VPS13D: variants seen among roughly 807,000 people sequenced by gnomAD.
VPS13D encodes vacuolar protein sorting 13 homolog D.
Under a neutral mutation model 461.9 loss-of-function variants are expected in VPS13D, and 187 were observed. The observed-to-expected ratio is 0.40, with a 90% CI of 0.36 to 0.46. VPS13D has a LOEUF of 0.46. Ranked by LOEUF, VPS13D falls within the 20% of genes least tolerant of loss-of-function variation. VPS13D has a pLI of 0.60. For missense variants in VPS13D, 4,711 were observed against 5,364.9 expected, an observed-to-expected ratio of 0.88 and a Z score of 3.81; for synonymous variants, 1,951 against 1,986.3, an observed-to-expected ratio of 0.98 and a Z score of 0.47.
chr1:12,432,711 C>G (rs1316295572), intron 65 of VPS13D, among the ~76,000 whole-genome samples: 2 of 151,944 alleles, frequency 1.3e-5, no homozygotes, highest in African/African-American at 4.8e-5. Flanking sequence ...TCCTCCCAAC[C>G]CGGCCTCCTG....
chr1:12,403,916 C>T lies in VPS13D; in HGVS notation c.11973C>T (p.Ser3991=), dbSNP rs1286108023. Residue 3991 remains serine, a synonymous_variant, in exon 63 of 70, where the codon AGC becomes AGT. Transcript: ENST00000620676. ...ACTACTTTGAAAATCTCAAAATCAG[C>T]ATTCCTCAGATCAAGCTAAGTGTGT... is the stretch of plus-strand genomic sequence containing the variant. ...IRYYFENLKI[S]IPQIKLSVFT... 1.2e-6 allele frequency: 2 copies of T among 1,613,620 alleles called. No individual in the cohort carries two copies. The highest frequency in any genetic ancestry group is 1.7e-6 in the Non-Finnish European group (2 of 1,179,880).
Position 12,378,617 on chromosome 1 carries a change from C to T in VPS13D, c.11081+26C>T, listed in dbSNP as rs373637470. The stretch of plus-strand genomic sequence containing the variant: ...GTAATTTTCTAGGCAACTTTTGATT[C>T]AAGCTCATTGCTTTCAAATTCAGAC... On this transcript the variant is annotated intron_variant, in intron 56 of 69. Transcript: ENST00000620676. 9.9e-6 allele frequency: 15 copies of T among 1,518,350 alleles called. No homozygotes were observed. The African/African-American group carries it at 2.0e-4, about 20-fold the overall frequency. The allele number at this position is 1,518,350 out of a possible 1,614,324, so 94.1% of individuals were successfully genotyped here. A position where few individuals can be genotyped will look rare whatever the true frequency, so the allele number is the denominator to read the frequency against.
Position 12,473,071 on chromosome 1 carries a change from T to A in VPS13D, c.12662+12675T>A, listed in dbSNP as rs189784429. On this transcript the variant is annotated intron_variant, in intron 67 of 69. Coordinates refer to ENST00000620676, the MANE Select transcript of VPS13D (RefSeq NM_015378.4). This position sits in a 1 kb window ranked among gnomAD's most constrained non-coding sequence, Gnocchi z 4.2. ...AAAGAAATAGCACACCCTACGGTAG[T>A]GACATGGCCCTGTCACCACCCCTCA... Among the ~76,000 whole-genome samples, 1 of 152,302 alleles carries A rather than the reference T, an allele frequency of 6.6e-6. No homozygotes were observed. The highest frequency in any genetic ancestry group is 6.5e-5 in the Admixed American group (1 of 15,296).
At position 12,260,990 on chromosome 1, in the gene VPS13D, G is replaced by A. The variant is rs756652458; in HGVS notation, c.1255G>A (p.Gly419Arg). The A allele has an allele frequency of 6.2e-7, 1 of 1,613,870 alleles. No homozygotes were observed. The highest frequency in any genetic ancestry group is 1.7e-5 in the Admixed American group (1 of 60,032). Reference protein sequence around the residue: ...PQFDSPGACPGAPEPGGGSGM... With the variant: ...PQFDSPGACPRAPEPGGGSGM... ...GTTTGATTCTCCAGGAGCCTGTCCG[G>A]GAGCCCCAGAACCCGGTGGAGGCAG... is the stretch of plus-strand genomic sequence containing the variant. Residue 419 changes from glycine (G) to arginine (R), a missense_variant, in exon 12 of 70, where the codon GGA becomes AGA. Gly to Arg is a moderately radical substitution (Grantham distance 125, BLOSUM62 -2). Transcript: ENST00000620676.
chr1:12,271,583 C>T (rs1047435324), intron 17 of VPS13D, among the ~76,000 whole-genome samples: 1 of 151,934 alleles, frequency 6.6e-6, no homozygotes, highest in African/African-American at 2.4e-5. Context: ...GCAGGAGAAT[C>T]ACTTGAACCT....
intron 7 of VPS13D, among the ~76,000 whole-genome samples, chr1:12,256,017 C>T (rs937342062): frequency 1.3e-5 from 2 of 151,770 alleles, no homozygotes; most frequent in Non-Finnish European, 2.9e-5. Flanking sequence ...AGATAACATA[C>T]CAACATGTAA....
chr1:12,355,495 C>A (rs1643877357), intron 47 of VPS13D, among the ~76,000 whole-genome samples: 1 of 152,154 alleles, frequency 6.6e-6, no homozygotes, highest in African/African-American at 2.4e-5. Flanking sequence ...CTAATTTGAT[C>A]ATTTCACAAT....
chr1:12,396,974 C>T (rs970175269), intron 60 of VPS13D, among the ~76,000 whole-genome samples: 2 of 152,156 alleles, frequency 1.3e-5, no homozygotes, highest in African/African-American at 4.8e-5. Flanking sequence ...CACTCTGTCG[C>T]CCAGGCTGGA....
rs78818133 is a variant in VPS13D at position 12,505,422 on chromosome 1, T to C, written c.12795-1431T>C. On this transcript the variant is annotated intron_variant, in intron 68 of 69. Transcript: ENST00000620676. This position sits in a 1 kb window ranked among gnomAD's most constrained non-coding sequence, Gnocchi z 4.2. ...CTTTCTAATTTCAGCATTGAGACTT[T>C]ACAAGTCCACATTCTTGGCATTGCC... Among the ~76,000 whole-genome samples the C allele has an allele frequency of 6.3e-3, 962 of 152,364 alleles. 10 individuals carry two copies. The highest frequency in any genetic ancestry group is 0.022 in the African/African-American group (917 of 41,586).
chr1:12,416,584 C>G, intron 64 of VPS13D, 76 bp from the exon 65 acceptor site: 1 of 1,469,226 alleles, frequency 6.8e-7, no homozygotes, highest in Non-Finnish European at 9.2e-7. Context: ...TTTCTAAGCT[C>G]TTCGCTTGGG....
chr1:12,395,790 C>T lies in VPS13D; in HGVS notation c.11635-4391C>T, dbSNP rs561955066. On this transcript the variant is annotated intron_variant, in intron 60 of 69. Transcript: ENST00000620676. Reference sequence around the variant, plus strand: ...TTTGCATAATTCTCCAAACGGTTCACGCCAAGGACTATCAGCATTCTCCAT... The same window carrying T: ...TTTGCATAATTCTCCAAACGGTTCATGCCAAGGACTATCAGCATTCTCCAT... Among the ~76,000 whole-genome samples, 31 of 151,682 alleles carry T rather than the reference C, an allele frequency of 2.0e-4. No individual in the cohort carries two copies. The South Asian group carries it at 4.0e-3, about 19-fold the overall frequency.
chr1:12,230,636 C>T (rs1408486653), intron 1 of VPS13D, among the ~76,000 whole-genome samples: 1 of 152,118 alleles, frequency 6.6e-6, no homozygotes, highest in African/African-American at 2.4e-5. Flanking sequence ...CCTTAATCAG[C>T]CACCCGAGGT....
Position 12,505,867 on chromosome 1 carries a change from C to A in VPS13D, c.12795-986C>A, listed in dbSNP as rs1646098700. 1.3e-5 allele frequency among the ~76,000 whole-genome samples: 2 copies of A among 152,204 alleles called. 1 individual carries two copies. Among genetic ancestry groups the A allele is most frequent in the South Asian group, 4.1e-4 (2 of 4,824 alleles). On this transcript the variant is annotated intron_variant, in intron 68 of 69. Coordinates refer to ENST00000620676, the MANE Select transcript of VPS13D (RefSeq NM_015378.4). This position sits in a 1 kb window ranked among gnomAD's most constrained non-coding sequence, Gnocchi z 4.2. ...AGCGAGGGCCCGGCAGCCTGCTCCC[C>A]TCGACAGGCAGGCCACCTCCTGCCC...
chr1:12,326,436 C>G (rs1643190283), intron 35 of VPS13D, among the ~76,000 whole-genome samples: 1 of 150,564 alleles, frequency 6.6e-6, no homozygotes. Flanking sequence ...CTCCTAGGCT[C>G]AAATGATCCT....
In VPS13D at chr1:12,291,996, C is replaced by T. The variant is rs374817665; in HGVS notation, c.5852+872C>T. On this transcript the variant is annotated intron_variant, in intron 23 of 69. Transcript: ENST00000620676. ...TCTCAGGGCTGGGCGTGGTGGCTCA[C>T]GCCTGTAATCCCAGCACTCTGGGAG... is the stretch of plus-strand genomic sequence containing the variant. 2.2e-4 allele frequency among the ~76,000 whole-genome samples: 33 copies of T among 152,234 alleles called. No individual in the cohort carries two copies. In the South Asian group the frequency reaches 6.6e-3, roughly 31 times the overall value.
At chr1:12,400,425 G>A (rs774548872) in intron 61 of VPS13D, 95 bp downstream of exon 61, 18 of 1,447,946 alleles carry the variant, frequency 1.2e-5, no homozygotes, top group Non-Finnish European at 1.6e-5. Context: ...GCCGGGTGCT[G>A]ATGGGAATAG....
rs754765301 is a variant in VPS13D at position 12,257,927 on chromosome 1, T to C, written c.942-8T>C. 4 of 1,614,054 alleles carry C rather than the reference T, an allele frequency of 2.5e-6. No individual in the cohort carries two copies. Among genetic ancestry groups the C allele is most frequent in the Non-Finnish European group, 2.5e-6 (3 of 1,180,004 alleles). The stretch of plus-strand genomic sequence containing the variant: ...AAGAAGTGATTACATCGTTATGGAC[T>C]ATTTCAGCTGCCGAGAATGGTGGTA... On this transcript the variant is annotated splice_polypyrimidine_tract_variant and splice_region_variant and intron_variant, in intron 9 of 69. Coordinates refer to ENST00000620676, the MANE Select transcript of VPS13D (RefSeq NM_015378.4).
intron 58 of VPS13D, among the ~76,000 whole-genome samples, 192 bp downstream of exon 58, chr1:12,383,347 T>C (rs961871375): frequency 6.6e-6 from 1 of 152,132 alleles, no homozygotes; most frequent in Non-Finnish European, 1.5e-5. Flanking sequence ...AAGATAAGCG[T>C]AAAGTATAAA....
intron 5 of VPS13D, among the ~76,000 whole-genome samples, chr1:12,247,396 G>A (rs1322985310): frequency 7.0e-6 from 1 of 143,754 alleles, no homozygotes; most frequent in African/African-American, 2.6e-5. Flanking sequence ...CAGCCTGGGC[G>A]ACAAAGCGAG....
Sources: gnomAD v4.1 joint callset for allele counts (sites outside exome capture counted in the v4.1 genomes callset) on GRCh38, gnomAD v4.1.1 for gene constraint, Gnocchi (gnomAD v3.1) non-coding constraint, MANE v1.5 for transcripts, NCBI Gene and HGNC (gene_info 2026-07-23, HGNC 2026-07-21) for gene names.